Variants in LRRC7 observed in about 807,000 individuals in gnomAD.
LRRC7 encodes the protein leucine rich repeat containing 7, also known as leucine-rich repeat-containing protein 7.
Under a neutral mutation model 175.7 loss-of-function variants are expected in LRRC7, and 23 were observed. That is an observed-to-expected ratio of 0.13 (90% CI 0.09 to 0.19). LRRC7 has a LOEUF of 0.19. Ranked by LOEUF, LRRC7 falls within the 10% of genes least tolerant of loss-of-function variation. The pLI is 1.00. For synonymous variants in LRRC7, 685 were observed against 680.9 expected, an observed-to-expected ratio of 1.01 and a Z score of -0.09; for missense variants, 1,354 against 1,904.7, an observed-to-expected ratio of 0.71 and a Z score of 5.38.
chr1:69,611,972 G>A (rs1301585425), intron 1 of LRRC7, among the ~76,000 whole-genome samples: 1 of 151,970 alleles, frequency 6.6e-6, no homozygotes, highest in Non-Finnish European at 1.5e-5. Context: ...TGATTTTGAG[G>A]TACAAATTAA....
At chr1:69,922,821 A>G (rs1274060728) in intron 7 of LRRC7, among the ~76,000 whole-genome samples, 1 of 151,370 alleles carries the variant, frequency 6.6e-6, no homozygotes, top group Non-Finnish European at 1.5e-5. Context: ...TTATTTTATT[A>G]TTATTATACT....
rs1558091834 is a variant in LRRC7, at chr1:70,128,108, C to CAT, written c.*6221_*6222insAT. Among the ~76,000 whole-genome samples, 2 of 152,022 alleles carry CAT rather than the reference C, an allele frequency of 1.3e-5. No homozygotes were observed. The highest frequency in any genetic ancestry group is 4.8e-5 in the African/African-American group (2 of 41,386). On this transcript the variant is annotated 3_prime_UTR_variant, in exon 27 of 27. Coordinates refer to ENST00000651989, the MANE Select transcript of LRRC7 (RefSeq NM_001370785.2). ...TCCTGAGTAGCTGGGATTACAGGTGCGTGCCACCACACTGGGCTAATTTTT... is the reference window on the plus strand; with the variant it reads ...TCCTGAGTAGCTGGGATTACAGGTGCATGTGCCACCACACTGGGCTAATTTTT...
intron 11 of LRRC7, among the ~76,000 whole-genome samples, chr1:69,996,347 G>A (rs1654965672): frequency 6.6e-6 from 1 of 152,142 alleles, no homozygotes; most frequent in Non-Finnish European, 1.5e-5. Flanking sequence ...CTCCCATTTT[G>A]TAGGTTGCCT....
rs990217430 is a variant in LRRC7, at chr1:70,131,416, G to C, written c.*9529G>C. On this transcript the variant is annotated 3_prime_UTR_variant, in exon 27 of 27. Coordinates refer to ENST00000651989, the MANE Select transcript of LRRC7 (RefSeq NM_001370785.2). ...ATTTCCTTTCAAGTAAAACATTTCT[G>C]TCCTAGCTTTCTCACAAAACTATTT... is the stretch of plus-strand genomic sequence containing the variant. 6.6e-6 allele frequency among the ~76,000 whole-genome samples: 1 copy of C among 152,068 alleles called. No homozygotes were observed. The highest frequency in any genetic ancestry group is 1.5e-5 in the Non-Finnish European group (1 of 68,010).
At chr1:70,075,560 T>G (rs954830470) in intron 23 of LRRC7, among the ~76,000 whole-genome samples, 1 of 152,212 alleles carries the variant, frequency 6.6e-6, no homozygotes, top group African/African-American at 2.4e-5. Context: ...GATTAATTTT[T>G]AATGTAACTT....
At chr1:70,025,831 A>AGG (rs550770075) in intron 17 of LRRC7, among the ~76,000 whole-genome samples, 84 of 124,074 alleles carry the variant, frequency 6.8e-4, no homozygotes, top group Middle Eastern at 3.6e-3. Flanking sequence ...CCTCAATTTA[A>AGG]GGGGGGGGGG....
intron 22 of LRRC7, among the ~76,000 whole-genome samples, chr1:70,050,828 T>C (rs186307148): frequency 6.1e-4 from 93 of 152,178 alleles, no homozygotes; most frequent in African/African-American, 2.2e-3. Flanking sequence ...CAATAAATTG[T>C]TTTTAATGAT....
At chr1:69,861,822 G>GACACTGGAAATCAC (rs776178709) in intron 7 of LRRC7, among the ~76,000 whole-genome samples, 41 of 152,154 alleles carry the variant, frequency 2.7e-4, no homozygotes, top group Admixed American at 5.2e-4. Context: ...GTGTGTGGCG[G>GACACTGGAAATCAC]ACCTGGAAAT....
intron 1 of LRRC7, among the ~76,000 whole-genome samples, chr1:69,643,933 T>TGC (rs771878992): frequency 6.6e-6 from 1 of 151,982 alleles, no homozygotes; most frequent in Non-Finnish European, 1.5e-5. Context: ...AAATAACCCA[T>TGC]GCATTGAAGA....
At chr1:69,892,619 G>A (rs532897939) in intron 7 of LRRC7, among the ~76,000 whole-genome samples, 1 of 152,194 alleles carries the variant, frequency 6.6e-6, no homozygotes, top group South Asian at 2.1e-4. Flanking sequence ...CCTATAAGTT[G>A]TCCCTTATTC....
At chr1:69,855,573 G>A (rs572643901) in intron 7 of LRRC7, among the ~76,000 whole-genome samples, 13 of 152,214 alleles carry the variant, frequency 8.5e-5, no homozygotes, top group Admixed American at 5.9e-4. Context: ...GAATAAGTGC[G>A]ATGTGGTGCT....
intron 26 of LRRC7, among the ~76,000 whole-genome samples, chr1:70,113,974 G>T (rs749575313): frequency 6.6e-6 from 1 of 151,896 alleles, no homozygotes; most frequent in Non-Finnish European, 1.5e-5. Context: ...GCCTAAGAGA[G>T]TGTTGATGTT....
At chr1:69,698,037 G>A (rs1662840631) in intron 2 of LRRC7, among the ~76,000 whole-genome samples, 1 of 152,170 alleles carries the variant, frequency 6.6e-6, no homozygotes. Context: ...AAACATTTGT[G>A]AGAAAGAAAA....
chr1:69,756,028 A>C (rs1437236275), intron 2 of LRRC7, among the ~76,000 whole-genome samples: 2 of 151,982 alleles, frequency 1.3e-5, no homozygotes, highest in Admixed American at 6.6e-5. Flanking sequence ...GGGGAAAAAG[A>C]CAGAAAATCT....
intron 1 of LRRC7, among the ~76,000 whole-genome samples, chr1:69,586,333 A>C (rs1057004739): frequency 6.6e-6 from 1 of 152,152 alleles, no homozygotes; most frequent in Non-Finnish European, 1.5e-5. Flanking sequence ...TCCTTTTAGA[A>C]GATCCCCAAT....
chr1:69,886,479 C>T (rs561647375), intron 7 of LRRC7, among the ~76,000 whole-genome samples: 12 of 152,118 alleles, frequency 7.9e-5, no homozygotes, highest in Admixed American at 2.0e-4. Flanking sequence ...GGTAGATCTT[C>T]CTCCATCCTT....
intron 1 of LRRC7, among the ~76,000 whole-genome samples, chr1:69,640,439 T>C (rs572402350): frequency 1.2e-4 from 18 of 151,820 alleles, no homozygotes; most frequent in Admixed American, 3.3e-4. Context: ...TCCTGATTAG[T>C]AAGAATAATG....
chr1:69,746,252 G>C lies in LRRC7; in HGVS notation c.101-13939G>C, dbSNP rs190028759. Among the ~76,000 whole-genome samples the C allele has an allele frequency of 2.0e-5, 3 of 151,994 alleles. No individual in the cohort carries two copies. In the East Asian group the frequency reaches 5.8e-4, roughly 29 times the overall value. ...ATACACCCATTCATTTTCACAGGAT[G>C]TCCATCATATCCATTTTTCAAGACA... On this transcript the variant is annotated intron_variant, in intron 2 of 26. Coordinates refer to ENST00000651989, the MANE Select transcript of LRRC7 (RefSeq NM_001370785.2).
At chr1:69,584,392 G>A (rs963302696) in intron 1 of LRRC7, among the ~76,000 whole-genome samples, 3 of 152,042 alleles carry the variant, frequency 2.0e-5, no homozygotes, top group Non-Finnish European at 4.4e-5. Context: ...TCAAAATTGT[G>A]TTTTGCCAAC....
Sources: gnomAD v4.1 joint callset for allele counts (sites outside exome capture counted in the v4.1 genomes callset) on GRCh38, gnomAD v4.1.1 for gene constraint, MANE v1.5 for transcripts, NCBI Gene and HGNC (gene_info 2026-07-23, HGNC 2026-07-21) for gene names.